The following CPA6 variants were observed in gnomAD, a reference collection of about 807,000 sequenced individuals.
CPA6 encodes carboxypeptidase B.
A neutral mutation model predicts 63.3 loss-of-function variants in CPA6; 58 were observed. The ratio of observed to expected loss-of-function variants is 0.92; its 90% CI spans 0.74 to 1.14. CPA6 has a LOEUF of 1.14. Among genes scored for constraint, CPA6 ranks in the 50% most tolerant of loss-of-function variants. The pLI, the probability that CPA6 is intolerant of heterozygous loss-of-function variation, is 0.00. For missense variants in CPA6, 565 were observed against 526.6 expected (o/e 1.07, Z -0.71); for synonymous variants, 185 against 179.0 (o/e 1.03, Z -0.27).
intron 9 of CPA6, among the ~76,000 whole-genome samples, chr8:67,428,952 T>C (rs1006911879): frequency 4.6e-5 from 7 of 152,236 alleles, no homozygotes; most frequent in Admixed American, 3.9e-4. Context: ...AGTATTAAGA[T>C]AATTACATTG....
intron 6 of CPA6, among the ~76,000 whole-genome samples, chr8:67,496,553 A>ATT (rs1811720960): frequency 1.7e-5 from 2 of 120,428 alleles, no homozygotes; most frequent in East Asian, 4.4e-4. Context: ...ATATATATAT[A>ATT]TATATTTATT....
intron 2 of CPA6, among the ~76,000 whole-genome samples, chr8:67,518,681 AT>A (rs34659405): frequency 6.1e-5 from 9 of 148,724 alleles, no homozygotes; most frequent in South Asian, 2.1e-4. Flanking sequence ...TAATTTTTGT[AT>A]TTTTTTTTAG....
At position 67,656,135 on chromosome 8, in the gene CPA6, C is replaced by T. The variant is rs936500240; in HGVS notation, c.117-31884G>A. Among the ~76,000 whole-genome samples the T allele has an allele frequency of 3.3e-5, 5 of 151,974 alleles. No homozygotes were observed. In the East Asian group the frequency reaches 5.8e-4, roughly 18 times the overall value. On this transcript the variant is annotated intron_variant, in intron 1 of 10. Transcript: ENST00000297770. ...TTGTTTTTGTTTTTGCCTCCTTTGC[C>T]CAGACTCTAAACAGAGTTGTGTGAG...
At chr8:67,460,431 T>C (rs1189703019) in intron 8 of CPA6, among the ~76,000 whole-genome samples, 1 of 152,216 alleles carries the variant, frequency 6.6e-6, no homozygotes. Flanking sequence ...CCTGAAAATA[T>C]GTGCAAATAA....
intron 1 of CPA6, among the ~76,000 whole-genome samples, chr8:67,651,446 T>C (rs1412568217): frequency 6.6e-6 from 1 of 152,080 alleles, no homozygotes; most frequent in Non-Finnish European, 1.5e-5. Context: ...GCCATTTCCT[T>C]TTATTTATTT....
At chr8:67,665,317 C>T (rs759792484) in intron 1 of CPA6, among the ~76,000 whole-genome samples, 3 of 152,120 alleles carry the variant, frequency 2.0e-5, no homozygotes, top group Non-Finnish European at 4.4e-5. Context: ...CTTGCGTGAC[C>T]GAGTTTCTTC....
intron 1 of CPA6, among the ~76,000 whole-genome samples, chr8:67,688,974 GTTA>G (rs548820087): frequency 9.7e-5 from 13 of 134,530 alleles, no homozygotes; most frequent in African/African-American, 2.1e-4. Flanking sequence ...TCCTATTATT[GTTA>G]TTATTATTAT....
intron 1 of CPA6, among the ~76,000 whole-genome samples, chr8:67,699,404 G>A (rs1816973769): frequency 6.6e-6 from 1 of 151,972 alleles, no homozygotes; most frequent in Non-Finnish European, 1.5e-5. Context: ...CTGCACTCTA[G>A]TCTGGGTGAC....
In CPA6 at chr8:67,592,221, A is replaced by G. The variant is rs557252878; in HGVS notation, c.192+31955T>C. On this transcript the variant is annotated intron_variant, in intron 2 of 10. Coordinates refer to ENST00000297770, the MANE Select transcript of CPA6 (RefSeq NM_020361.5). ...TTTGCATATATTGAACCAGCCTTGC[A>G]TCCCAGGGATGAAGCCCACTTGATC... 5.9e-5 allele frequency among the ~76,000 whole-genome samples: 9 copies of G among 152,344 alleles called. No individual in the cohort carries two copies. The East Asian group carries it at 1.7e-3, about 29-fold the overall frequency.
At chr8:67,516,859 C>T (rs990657199) in intron 3 of CPA6, among the ~76,000 whole-genome samples, 4 of 152,076 alleles carry the variant, frequency 2.6e-5, no homozygotes, top group African/African-American at 4.8e-5. Flanking sequence ...TGCAGTGGCG[C>T]GATCTCAGCT....
At chr8:67,447,597 T>A (rs1035638502) in intron 8 of CPA6, among the ~76,000 whole-genome samples, 5 of 151,844 alleles carry the variant, frequency 3.3e-5, no homozygotes, top group Admixed American at 2.0e-4. Context: ...AATTTAAAGT[T>A]ATAAAAGGAT....
At chr8:67,538,331 TA>T (rs1225740667) in intron 2 of CPA6, among the ~76,000 whole-genome samples, 1 of 152,192 alleles carries the variant, frequency 6.6e-6, no homozygotes, top group Non-Finnish European at 1.5e-5. Context: ...AGTTTCTTTG[TA>T]GGTCTCTAAG....
intron 2 of CPA6, among the ~76,000 whole-genome samples, chr8:67,597,284 C>T (rs576462340): frequency 3.3e-4 from 50 of 151,174 alleles, no homozygotes; most frequent in Admixed American, 9.2e-4. Context: ...CTGCAAACTC[C>T]GCCTCCCAGG....
chr8:67,488,455 G>A lies in CPA6; in HGVS notation c.637-3666C>T, dbSNP rs980167561. Among the ~76,000 whole-genome samples, 16 of 152,284 alleles carry A rather than the reference G, an allele frequency of 1.1e-4. No homozygotes were observed. The South Asian group carries it at 1.7e-3, about 16-fold the overall frequency. ...GTCCCATGCTGTTGTGGTTACTGTA[G>A]CCTTGTAGTACAGTTTGAAGTCAGG... On this transcript the variant is annotated intron_variant, in intron 6 of 10. Transcript: ENST00000297770.
intron 2 of CPA6, among the ~76,000 whole-genome samples, chr8:67,591,700 T>C (rs1258701450): frequency 6.6e-6 from 1 of 152,196 alleles, no homozygotes; most frequent in Non-Finnish European, 1.5e-5. Context: ...CTGTTATTGG[T>C]GTATAAGAAG....
intron 1 of CPA6, among the ~76,000 whole-genome samples, chr8:67,695,340 CT>C (rs1321866017): frequency 6.6e-6 from 1 of 152,210 alleles, no homozygotes; most frequent in Non-Finnish European, 1.5e-5. Context: ...GAGACCAACA[CT>C]GAGTCCCCAA....
chr8:67,509,963 C>T (rs1812010180), intron 4 of CPA6, among the ~76,000 whole-genome samples: 1 of 151,952 alleles, frequency 6.6e-6, no homozygotes. Flanking sequence ...CTATTTTCCA[C>T]AAGTATTTAA....
chr8:67,481,046 G>A (rs62513765), intron 8 of CPA6, among the ~76,000 whole-genome samples: 107 of 152,270 alleles, frequency 7.0e-4, no homozygotes, highest in Non-Finnish European at 1.2e-3. Context: ...AGAATTCTAT[G>A]TTTTGAATAG....
intron 1 of CPA6, among the ~76,000 whole-genome samples, chr8:67,714,820 A>AT (rs1817344015): frequency 6.6e-6 from 1 of 152,240 alleles, no homozygotes. Context: ...GACAAGTATG[A>AT]TAAAAACTTA....
Sources: gnomAD v4.1 joint callset for allele counts (sites outside exome capture counted in the v4.1 genomes callset) on GRCh38, gnomAD v4.1.1 for gene constraint, MANE v1.5 for transcripts, NCBI Gene and HGNC (gene_info 2026-07-23, HGNC 2026-07-21) for gene names.